Variants in FCER2 observed in about 807,000 individuals in gnomAD.
FCER2 encodes low affinity immunoglobulin epsilon Fc receptor.
In FCER2, 38 loss-of-function variants were observed where a neutral mutation model predicts 49.7. The ratio of observed to expected loss-of-function variants is 0.76; its 90% CI spans 0.59 to 1.00. The LOEUF (loss-of-function observed/expected upper bound fraction) is 1.00, where lower values mean the gene tolerates loss of function less well. Among genes scored for constraint, FCER2 ranks in the 50% least tolerant of loss-of-function variants. The pLI, the probability that FCER2 is intolerant of heterozygous loss-of-function variation, is 0.00. For missense variants in FCER2, 425 were observed against 419.5 expected (o/e 1.01, Z -0.11); for synonymous variants, 163 against 164.6 (o/e 0.99, Z 0.07).
At chr19:7,690,332 G>A in intron 9 of FCER2, 67 bp from the exon 10 acceptor site, 1 of 1,605,350 alleles carries the variant, frequency 6.2e-7, no homozygotes, top group African/African-American at 1.4e-5. Context: ...CACTTCGAGA[G>A]GTTGGGTAGA....
Position 7,692,444 on chromosome 19 carries a change from C to T in FCER2, c.470-1887G>A, listed in dbSNP as rs536412578. 8.0e-5 allele frequency among the ~76,000 whole-genome samples: 12 copies of T among 149,942 alleles called. 4 individuals carry two copies. The highest frequency in any genetic ancestry group is 1.5e-4 in the Non-Finnish European group (10 of 67,594). On this transcript the variant is annotated intron_variant, in intron 8 of 10. Coordinates refer to ENST00000597921, the MANE Select transcript of FCER2 (RefSeq NM_001220500.2). ...ACAACACATCAATTACCAACACCAG[C>T]GCCACGAACACATTCACGTCCATCA...
At position 7,699,724 on chromosome 19, in the gene FCER2, A is replaced by G; in HGVS notation, c.22+15T>C. On this transcript the variant is annotated intron_variant, in intron 2 of 10. Transcript: ENST00000597921. ...CATTGCTTCTGCCAACGTTAGAACCAGAGAGTCCTCCTACCTGAATATTGA... is the reference window on the plus strand; with the variant it reads ...CATTGCTTCTGCCAACGTTAGAACCGGAGAGTCCTCCTACCTGAATATTGA... 6.2e-7 allele frequency: 1 copy of G among 1,613,176 alleles called. No homozygotes were observed. The highest frequency in any genetic ancestry group is 8.5e-7 in the Non-Finnish European group (1 of 1,179,142).
chr19:7,690,356 C>CG (rs1182853388), intron 9 of FCER2, 50 bp downstream of exon 9: 1 of 1,550,320 alleles, frequency 6.5e-7, no homozygotes, highest in Non-Finnish European at 8.7e-7. Flanking sequence ...GGGTGGGGGT[C>CG]CCCCCACCCT....
chr19:7,699,459 C>T lies in FCER2; in HGVS notation c.22+280G>A, dbSNP rs539066348. ...TGGCCTCTGACTCTATTGGGCTCCC[C>T]GCTCCCTAGCTGAAGCCGTTTTTTT... On this transcript the variant is annotated intron_variant, in intron 2 of 10. Coordinates refer to ENST00000597921, the MANE Select transcript of FCER2 (RefSeq NM_001220500.2). 2,146 of 1,461,764 alleles carry T rather than the reference C, an allele frequency of 1.5e-3. 3 individuals carry two copies. The highest frequency in any genetic ancestry group is 1.7e-3 in the Non-Finnish European group (1,831 of 1,109,130). 90.5% of individuals were successfully genotyped at this position (1,461,764 alleles called of 1,614,324 possible).
intron 8 of FCER2, among the ~76,000 whole-genome samples, chr19:7,694,966 A>T (rs1303238014): frequency 6.6e-6 from 1 of 152,036 alleles, no homozygotes; most frequent in Non-Finnish European, 1.5e-5. Flanking sequence ...TCCGGAGTAG[A>T]TGAGACTACA....
chr19:7,699,570 T>A, intron 2 of FCER2, 169 bp downstream of exon 2: 1 of 1,213,534 alleles, frequency 8.2e-7, no homozygotes, highest in South Asian at 1.5e-5. Flanking sequence ...CCTGGCTCTG[T>A]GCCAGGAAAG....
At position 7,697,291 on chromosome 19, in the gene FCER2, CT is replaced by C. The variant is rs1221551358; in HGVS notation, c.260del (p.Gln87ArgfsTer16). ...DQMAQKSQST[Q>X]ISQELEELRA... ...GAAGTTCCTCCAGTTCCTGTGAAAT[CT>C]GCGTGGCTGTTTGCAGGGGAGGGGG... On this transcript the variant is annotated frameshift_variant, in exon 6 of 11. Transcript: ENST00000597921. LOFTEE classifies it high-confidence loss of function. 1.9e-6 allele frequency: 3 copies of C among 1,614,058 alleles called. No individual in the cohort carries two copies. Among genetic ancestry groups the C allele is most frequent in the Non-Finnish European group, 1.7e-6 (2 of 1,180,020 alleles).
rs750645161 is a variant in FCER2, at chr19:7,697,584, G to A, written c.196C>T (p.Gln66Ter). 1.2e-6 allele frequency: 2 copies of A among 1,613,930 alleles called. No individual in the cohort carries two copies. Among genetic ancestry groups the A allele is most frequent in the Admixed American group, 3.3e-5 (2 of 59,990 alleles). Residue 66 changes from glutamine (Q) to a stop codon, truncating the protein, a stop_gained, in exon 5 of 11, where the codon CAA becomes TAA. Coordinates refer to ENST00000597921, the MANE Select transcript of FCER2 (RefSeq NM_001220500.2). LOFTEE classifies it high-confidence loss of function. Reference protein sequence around the residue: ...LEERAARNVSQVSKNLESHHG... With the variant: ...LEERAARNVS ...TGGCTTTCCAAGTTCTTGGAAACTTGAGAGACTGGAGCGGCGGGAGAGAAG... is the reference window on the plus strand; with the variant it reads ...TGGCTTTCCAAGTTCTTGGAAACTTAAGAGACTGGAGCGGCGGGAGAGAAG...
At chr19:7,700,376 C>A (rs1003471707) in intron 1 of FCER2, among the ~76,000 whole-genome samples, 1 of 152,284 alleles carries the variant, frequency 6.6e-6, no homozygotes, top group East Asian at 1.9e-4. Flanking sequence ...CACAGTGGGT[C>A]TTCGGATTCT....
intron 3 of FCER2, 150 bp downstream of exon 3, chr19:7,698,591 G>A (rs981190754): frequency 2.8e-6 from 3 of 1,054,718 alleles, no homozygotes; most frequent in Non-Finnish European, 2.8e-6. Flanking sequence ...ATGGGAAAGG[G>A]CTGGCAGTGG....
At chr19:7,691,251 A>T (rs1463064111) in intron 8 of FCER2, among the ~76,000 whole-genome samples, 1 of 152,032 alleles carries the variant, frequency 6.6e-6, no homozygotes, top group Non-Finnish European at 1.5e-5. Flanking sequence ...CGCTACAAGC[A>T]CCACCATGGC....
chr19:7,699,525 C>A, intron 2 of FCER2: 13 of 1,369,066 alleles, frequency 9.5e-6, no homozygotes, highest in East Asian at 2.7e-5. Flanking sequence ...GGTGTTGAAT[C>A]AGAAAAAGGA....
At chr19:7,693,815 A>C (rs2032944994) in intron 8 of FCER2, among the ~76,000 whole-genome samples, 3 of 145,994 alleles carry the variant, frequency 2.1e-5, no homozygotes, top group Non-Finnish European at 3.0e-5. Flanking sequence ...TGCCCAGCTA[A>C]TTTTTATATT....
intron 8 of FCER2, among the ~76,000 whole-genome samples, chr19:7,695,379 A>C (rs1403640513): frequency 6.6e-6 from 1 of 152,224 alleles, no homozygotes; most frequent in Non-Finnish European, 1.5e-5. Flanking sequence ...GGCAGAGGAC[A>C]CCAGCAAGGA....
intron 8 of FCER2, among the ~76,000 whole-genome samples, chr19:7,693,272 G>C (rs12973278): frequency 0.5 from 75,813 of 151,530 alleles, 18,956 homozygotes; most frequent in African/African-American, 0.54. Context: ...AAATTGTGAT[G>C]ATTTTCTTCC....
chr19:7,696,320 C>T (rs548873453), intron 8 of FCER2, among the ~76,000 whole-genome samples: 2 of 152,132 alleles, frequency 1.3e-5, no homozygotes, highest in Non-Finnish European at 2.9e-5. Context: ...AGACTGGTCT[C>T]GAACTCCTGA....
chr19:7,695,927 T>C (rs1256341627), intron 8 of FCER2, among the ~76,000 whole-genome samples: 1 of 145,174 alleles, frequency 6.9e-6, no homozygotes, highest in Non-Finnish European at 1.5e-5. Context: ...TCTCTTTTTT[T>C]TTTTTTTTTT....
In FCER2 at chr19:7,700,807, A is replaced by G. The variant is rs12461748; in HGVS notation, c.-85-962T>C. On this transcript the variant is annotated intron_variant, in intron 1 of 10. Transcript: ENST00000597921. ...GGATTACAGGCGTGAGCCACTGTGC[A>G]TGGCCTATTTTTTTATTTTTTGAGA... Among the ~76,000 whole-genome samples, 742 of 125,160 alleles carry G rather than the reference A, an allele frequency of 5.9e-3. 16 individuals are homozygous for G. The highest frequency in any genetic ancestry group is 0.047 in the East Asian group (195 of 4,114). 82.1% of individuals were successfully genotyped at this position (125,160 alleles called of 152,430 possible).
intron 8 of FCER2, among the ~76,000 whole-genome samples, chr19:7,695,952 A>T (rs1410380675): frequency 3.1e-5 from 4 of 127,736 alleles, no homozygotes; most frequent in Non-Finnish European, 6.3e-5. Flanking sequence ...TTTGAGACAG[A>T]GTCTCGCTCT....
Sources: allele counts gnomAD v4.1 joint callset (sites outside exome capture counted in the v4.1 genomes callset), GRCh38; gene constraint gnomAD v4.1.1; transcripts MANE v1.5; gene names NCBI Gene and HGNC (gene_info 2026-07-23, HGNC 2026-07-21).